Variants in LUZP2 observed in about 807,000 individuals in gnomAD.
LUZP2 encodes the protein leucine zipper protein 2.
In LUZP2, 52 loss-of-function variants were observed where a neutral mutation model predicts 51.6. The ratio of observed to expected loss-of-function variants is 1.01; its 90% CI spans 0.81 to 1.27. The LOEUF (loss-of-function observed/expected upper bound fraction) is 1.27, where lower values mean the gene tolerates loss of function less well. Ranked by LOEUF, LUZP2 falls within the 50% of genes most tolerant of loss-of-function variation. The pLI is 0.00. For missense variants in LUZP2, 436 were observed against 395.4 expected (o/e 1.10, Z -0.87); for synonymous variants, 154 against 137.3 (o/e 1.12, Z -0.85).
intron 5 of LUZP2, among the ~76,000 whole-genome samples, chr11:24,901,436 A>AAAAGAATAT (rs1415499967): frequency 6.6e-6 from 1 of 152,146 alleles, no homozygotes; most frequent in Non-Finnish European, 1.5e-5. Context: ...AGGATTATAG[A>AAAAGAATAT]AAAGAATATA....
chr11:24,917,428 G>A (rs1036769528), intron 7 of LUZP2, among the ~76,000 whole-genome samples: 1 of 152,086 alleles, frequency 6.6e-6, no homozygotes, highest in African/African-American at 2.4e-5. Flanking sequence ...GTCCTGAATG[G>A]TATTGCCTAG....
chr11:24,909,108 G>A (rs987399384), intron 6 of LUZP2, among the ~76,000 whole-genome samples: 2 of 151,542 alleles, frequency 1.3e-5, no homozygotes, highest in Non-Finnish European at 2.9e-5. Context: ...GAAACAAAGA[G>A]ATGAGTAACT....
At chr11:24,783,473 AG>A (rs1849150023) in intron 5 of LUZP2, among the ~76,000 whole-genome samples, 1 of 152,058 alleles carries the variant, frequency 6.6e-6, no homozygotes, top group Non-Finnish European at 1.5e-5. Context: ...AAGAGATAAA[AG>A]GTTTTTTTAA....
chr11:24,639,358 C>G (rs1225184369), intron 1 of LUZP2, among the ~76,000 whole-genome samples: 1 of 151,664 alleles, frequency 6.6e-6, no homozygotes, highest in African/African-American at 2.4e-5. Flanking sequence ...TATTTTCCAG[C>G]TTCAATTTTT....
At chr11:24,763,194 G>A in intron 4 of LUZP2, 52 bp from the exon 5 acceptor site, 1 of 789,772 alleles carries the variant, frequency 1.3e-6, no homozygotes, top group Non-Finnish European at 1.9e-6. Context: ...AATAATGAAA[G>A]CCATGGTAAT....
intron 1 of LUZP2, among the ~76,000 whole-genome samples, chr11:24,500,294 C>T (rs1200705930): frequency 6.6e-6 from 1 of 151,964 alleles, no homozygotes; most frequent in Non-Finnish European, 1.5e-5. Flanking sequence ...GTCTCTCCTG[C>T]TTAGAAAATG....
At chr11:25,056,070 T>G (rs1171597194) in intron 10 of LUZP2, among the ~76,000 whole-genome samples, 1 of 152,128 alleles carries the variant, frequency 6.6e-6, no homozygotes, top group East Asian at 1.9e-4. Context: ...ATGAAAAAAC[T>G]TAAAATATGA....
At chr11:24,968,233 A>G (rs932483341) in intron 7 of LUZP2, among the ~76,000 whole-genome samples, 1 of 152,148 alleles carries the variant, frequency 6.6e-6, no homozygotes, top group Non-Finnish European at 1.5e-5. Flanking sequence ...ATCAAAAAAC[A>G]TTTGCTGTAA....
At chr11:24,781,655 C>T (rs1386247) in intron 5 of LUZP2, among the ~76,000 whole-genome samples, 108,964 of 151,700 alleles carry the variant, frequency 0.72, 39,915 homozygotes, top group East Asian at 0.86. Flanking sequence ...CATGGTAATA[C>T]TAGAAATCAA....
chr11:24,944,324 C>T (rs1231800116), intron 7 of LUZP2, among the ~76,000 whole-genome samples: 1 of 152,132 alleles, frequency 6.6e-6, no homozygotes, highest in Non-Finnish European at 1.5e-5. Context: ...AACCATGGCT[C>T]TGAGAGGTTA....
intron 5 of LUZP2, among the ~76,000 whole-genome samples, chr11:24,788,180 ATTTTTTTTTT>A (rs61308017): frequency 1.3e-4 from 11 of 83,402 alleles, no homozygotes; most frequent in Admixed American, 3.7e-4. Context: ...TTTGTTTTTA[ATTTTTTTTTT>A]TTTTTTTTTT....
At chr11:25,009,550 C>T (rs1224432257) in intron 9 of LUZP2, among the ~76,000 whole-genome samples, 2 of 151,912 alleles carry the variant, frequency 1.3e-5, no homozygotes, top group Admixed American at 6.6e-5. Flanking sequence ...ATCTTTATAG[C>T]GTTTCATTTT....
At chr11:24,533,700 A>G (rs894761892) in intron 1 of LUZP2, among the ~76,000 whole-genome samples, 10 of 151,288 alleles carry the variant, frequency 6.6e-5, no homozygotes, top group African/African-American at 2.4e-4. Context: ...AATACTTAGT[A>G]AAACAGTAAT....
intron 1 of LUZP2, among the ~76,000 whole-genome samples, chr11:24,654,269 T>A (rs904285584): frequency 7.9e-5 from 12 of 152,156 alleles, no homozygotes; most frequent in African/African-American, 2.9e-4. Flanking sequence ...TTGATTTACA[T>A]AAATAATTTC....
At chr11:24,578,364 A>G (rs1912135) in intron 1 of LUZP2, among the ~76,000 whole-genome samples, 26,780 of 152,104 alleles carry the variant, frequency 0.18, 2,811 homozygotes, top group Middle Eastern at 0.35. Context: ...CAGTATCATA[A>G]TACTTTATGA....
chr11:24,915,644 AT>A (rs1245394415), intron 7 of LUZP2, among the ~76,000 whole-genome samples: 1 of 108,426 alleles, frequency 9.2e-6, no homozygotes, highest in African/African-American at 3.7e-5. Flanking sequence ...ACATATGTTG[AT>A]GATAGACAGA....
At chr11:25,055,614 A>G (rs1435363512) in intron 10 of LUZP2, among the ~76,000 whole-genome samples, 1 of 152,132 alleles carries the variant, frequency 6.6e-6, no homozygotes, top group Non-Finnish European at 1.5e-5. Context: ...ACGATGCTAC[A>G]TCCAGAATAA....
intron 1 of LUZP2, among the ~76,000 whole-genome samples, chr11:24,686,980 G>A (rs1379836357): frequency 6.6e-6 from 1 of 152,042 alleles, no homozygotes; most frequent in Non-Finnish European, 1.5e-5. Flanking sequence ...GGTGCCCCAA[G>A]GCGACCAGCA....
intron 9 of LUZP2, among the ~76,000 whole-genome samples, chr11:25,037,446 C>G (rs1047735989): frequency 6.6e-6 from 1 of 152,044 alleles, no homozygotes; most frequent in African/African-American, 2.4e-5. Flanking sequence ...ATGTTTAGCC[C>G]ATTTACATTC....
Sources: gnomAD v4.1 joint callset for allele counts (sites outside exome capture counted in the v4.1 genomes callset) on GRCh38, gnomAD v4.1.1 for gene constraint, MANE v1.5 for transcripts, NCBI Gene and HGNC (gene_info 2026-07-23, HGNC 2026-07-21) for gene names.